The following PLPPR1 variants were observed in gnomAD, a reference collection of about 807,000 sequenced individuals.
PLPPR1 encodes phospholipid phosphatase-related protein type 1.
Under a neutral mutation model 33.1 loss-of-function variants are expected in PLPPR1, and 10 were observed. The ratio of observed to expected loss-of-function variants is 0.30; its 90% CI spans 0.19 to 0.51. The LOEUF (loss-of-function observed/expected upper bound fraction) is 0.51. Among genes scored for constraint, PLPPR1 ranks in the 20% least tolerant of loss-of-function variants. The pLI, the probability that PLPPR1 is intolerant of heterozygous loss-of-function variation, is 0.97. For missense variants in PLPPR1, 304 were observed against 408.1 expected, an observed-to-expected ratio of 0.74 and a Z score of 2.20; for synonymous variants, 151 against 151.0, an observed-to-expected ratio of 1.00 and a Z score of 0.00.
rs547574214 is a variant in PLPPR1, at chr9:101,082,001, G to C, written c.-46+52899G>C. On this transcript the variant is annotated intron_variant, in intron 1 of 7. Transcript: ENST00000374874. ...AAGCAGGTGCAATGCTCTGGTTGAT[G>C]CATCTTTAGATATTGAAGAGTTGTC... 8.5e-5 allele frequency among the ~76,000 whole-genome samples: 13 copies of C among 152,312 alleles called. No individual in the cohort carries two copies. The East Asian group carries it at 2.3e-3, about 27-fold the overall frequency.
At chr9:101,227,069 G>A (rs1227732043) in intron 2 of PLPPR1, among the ~76,000 whole-genome samples, 1 of 152,094 alleles carries the variant, frequency 6.6e-6, no homozygotes, top group African/African-American at 2.4e-5. Flanking sequence ...AAGCAGCAGA[G>A]CCATGGGAAC....
At chr9:101,321,205 C>T (rs913435385) in intron 7 of PLPPR1, among the ~76,000 whole-genome samples, 3 of 152,128 alleles carry the variant, frequency 2.0e-5, no homozygotes, top group Non-Finnish European at 4.4e-5. Context: ...ACATGAAATC[C>T]ATCCCACTAT....
rs147185432 is a variant in PLPPR1 at position 101,058,912 on chromosome 9, A to T, written c.-46+29810A>T. ...AATAAATTAAGGCTCAAAAAAGTTA[A>T]TTAACTTAAGGTCACACAGCTAACA... On this transcript the variant is annotated intron_variant, in intron 1 of 7. Transcript: ENST00000374874. Among the ~76,000 whole-genome samples, 13 of 152,248 alleles carry T rather than the reference A, an allele frequency of 8.5e-5. No homozygotes were observed. The East Asian group carries it at 2.1e-3, about 25-fold the overall frequency.
At chr9:101,058,746 C>G (rs1259238260) in intron 1 of PLPPR1, among the ~76,000 whole-genome samples, 3 of 152,068 alleles carry the variant, frequency 2.0e-5, no homozygotes, top group African/African-American at 7.2e-5. Context: ...AAGAGTTTCT[C>G]AAATTAAAAA....
chr9:101,266,949 G>T (rs117083885), intron 2 of PLPPR1, among the ~76,000 whole-genome samples: 2,919 of 152,136 alleles, frequency 0.019, 49 homozygotes, highest in South Asian at 0.041. Flanking sequence ...ATGTCATTTT[G>T]ATTTTTATTT....
At chr9:101,189,688 T>C (rs913621200) in intron 2 of PLPPR1, among the ~76,000 whole-genome samples, 2 of 152,118 alleles carry the variant, frequency 1.3e-5, no homozygotes, top group East Asian at 3.9e-4. Context: ...TCAAATATCT[T>C]TTCTGCAACA....
At chr9:101,275,681 A>T (rs1476265886) in intron 3 of PLPPR1, among the ~76,000 whole-genome samples, 2 of 152,170 alleles carry the variant, frequency 1.3e-5, no homozygotes, top group Admixed American at 1.3e-4. Context: ...CTCAGCAGAG[A>T]ATCTGATTTA....
At chr9:101,061,652 ATTGTCCCT>A (rs1830349179) in intron 1 of PLPPR1, among the ~76,000 whole-genome samples, 1 of 151,856 alleles carries the variant, frequency 6.6e-6, no homozygotes, top group East Asian at 1.9e-4. Context: ...TTTAGAGTTA[ATTGTCCCT>A]AGTCTGTATT....
rs574844226 is a variant in PLPPR1, at chr9:101,094,830, C to G, written c.-46+65728C>G. Among the ~76,000 whole-genome samples, 7 of 152,292 alleles carry G rather than the reference C, an allele frequency of 4.6e-5. No individual in the cohort carries two copies. The South Asian group carries it at 1.5e-3, about 32-fold the overall frequency. ...AGCCACTGTGTCACCAACCCACAAT[C>G]CCATTTTCTTGCTTCCACTTTTTTC... On this transcript the variant is annotated intron_variant, in intron 1 of 7. Transcript: ENST00000374874.
chr9:101,066,138 C>T lies in PLPPR1; in HGVS notation c.-46+37036C>T, dbSNP rs117204783. The stretch of plus-strand genomic sequence containing the variant: ...TATTCCTTATTTTTGATGACCTTGA[C>T]GGTTTTGAGGAATGCTGGTCAGATA... On this transcript the variant is annotated intron_variant, in intron 1 of 7. Coordinates refer to ENST00000374874, the MANE Select transcript of PLPPR1 (RefSeq NM_207299.2). Among the ~76,000 whole-genome samples the T allele has an allele frequency of 3.5e-3, 528 of 152,038 alleles. 2 individuals carry two copies. The highest frequency in any genetic ancestry group is 4.0e-3 in the Non-Finnish European group (269 of 67,958).
At chr9:101,251,504 C>T (rs557721960) in intron 2 of PLPPR1, among the ~76,000 whole-genome samples, 2 of 152,052 alleles carry the variant, frequency 1.3e-5, no homozygotes, top group Non-Finnish European at 1.5e-5. Context: ...TATAGATTAC[C>T]ACCAGGGTCA....
intron 4 of PLPPR1, among the ~76,000 whole-genome samples, chr9:101,302,265 ATTG>A (rs1158919694): frequency 3.3e-5 from 5 of 152,322 alleles, no homozygotes; most frequent in Admixed American, 1.3e-4. Flanking sequence ...CATATTAGCT[ATTG>A]TTATTATTAC....
chr9:101,114,701 A>G (rs1399699865), intron 1 of PLPPR1, among the ~76,000 whole-genome samples: 1 of 152,216 alleles, frequency 6.6e-6, no homozygotes, highest in Non-Finnish European at 1.5e-5. Context: ...TTTGAACTTT[A>G]TCTGGTTCTG....
At chr9:101,151,331 A>C (rs1363998871) in intron 1 of PLPPR1, among the ~76,000 whole-genome samples, 1 of 152,194 alleles carries the variant, frequency 6.6e-6, no homozygotes, top group Non-Finnish European at 1.5e-5. Context: ...TATAGAAAAT[A>C]ATTTATGTAA....
chr9:101,087,743 G>A (rs1337477307), intron 1 of PLPPR1, among the ~76,000 whole-genome samples: 1 of 152,208 alleles, frequency 6.6e-6, no homozygotes, highest in African/African-American at 2.4e-5. Context: ...TGGGAAGTGG[G>A]AAGGGAGAAA....
intron 2 of PLPPR1, among the ~76,000 whole-genome samples, chr9:101,261,375 G>A (rs1827896951): frequency 6.6e-6 from 1 of 152,052 alleles, no homozygotes; most frequent in Admixed American, 6.6e-5. Flanking sequence ...ATTGATGTCT[G>A]TGTATAGTAG....
chr9:101,181,129 A>G (rs1236866891), intron 1 of PLPPR1, among the ~76,000 whole-genome samples: 2 of 147,826 alleles, frequency 1.4e-5, no homozygotes, highest in African/African-American at 4.9e-5. Context: ...TATTAGATAT[A>G]TTATATATCT....
chr9:101,225,956 A>G (rs1309651501), intron 2 of PLPPR1, among the ~76,000 whole-genome samples: 2 of 152,026 alleles, frequency 1.3e-5, no homozygotes, highest in African/African-American at 4.8e-5. Context: ...CAGAGAGATT[A>G]AAGTCATTTT....
chr9:101,123,012 C>T lies in PLPPR1; in HGVS notation c.-45-62438C>T, dbSNP rs536749800. Among the ~76,000 whole-genome samples, 32 of 152,274 alleles carry T rather than the reference C, an allele frequency of 2.1e-4. No individual in the cohort carries two copies. In the South Asian group the frequency reaches 5.0e-3, roughly 24 times the overall value. On this transcript the variant is annotated intron_variant, in intron 1 of 7. Coordinates refer to ENST00000374874, the MANE Select transcript of PLPPR1 (RefSeq NM_207299.2). ...CTTCCCTTAGACCTGAATGTAACAT[C>T]GGTATGGTAGATTCACCTGGGCTTG...
Sources: allele counts gnomAD v4.1 joint callset (sites outside exome capture counted in the v4.1 genomes callset), GRCh38; gene constraint gnomAD v4.1.1; transcripts MANE v1.5; gene names NCBI Gene and HGNC (gene_info 2026-07-23, HGNC 2026-07-21).